The following PCDH15 variants were observed in gnomAD, a reference collection of about 807,000 sequenced individuals.
PCDH15 encodes protocadherin-15.
PCDH15 carries 129 observed loss-of-function variants against 178.5 expected under a neutral mutation model. The ratio of observed to expected loss-of-function variants is 0.72; its 90% CI spans 0.63 to 0.84. The LOEUF (loss-of-function observed/expected upper bound fraction) is 0.84. Among genes scored for constraint, PCDH15 ranks in the 40% least tolerant of loss-of-function variants. The probability of loss-of-function intolerance (pLI) is 0.00; values close to 1 mark genes in which losing one functional copy is unlikely to be tolerated. For synonymous variants in PCDH15, 800 were observed against 732.0 expected, an observed-to-expected ratio of 1.09 and a Z score of -1.50; for missense variants, 2,230 against 2,099.9, an observed-to-expected ratio of 1.06 and a Z score of -1.21.
intron 9 of PCDH15, among the ~76,000 whole-genome samples, chr10:54,227,087 G>C (rs144077962): frequency 6.6e-6 from 1 of 152,148 alleles, no homozygotes; most frequent in Non-Finnish European, 1.5e-5. Context: ...CCATTCTGGG[G>C]TCTGTAAAAT....
At chr10:55,170,951 G>A (rs1318032738) in intron 1 of PCDH15, among the ~76,000 whole-genome samples, 2 of 151,840 alleles carry the variant, frequency 1.3e-5, no homozygotes, top group African/African-American at 4.8e-5. Flanking sequence ...TTTCTTTTTT[G>A]GATTCCAGGA....
intron 8 of PCDH15, among the ~76,000 whole-genome samples, chr10:54,255,692 T>C (rs886749916): frequency 2.0e-5 from 3 of 152,008 alleles, no homozygotes; most frequent in Non-Finnish European, 2.9e-5. Flanking sequence ...TGGGGGAAAA[T>C]GGAGTTTCAA....
intron 16 of PCDH15, among the ~76,000 whole-genome samples, chr10:54,080,016 T>A (rs1161660565): frequency 6.6e-6 from 1 of 152,128 alleles, no homozygotes. Context: ...TTTTGTACTT[T>A]ATTATAACCA....
Position 54,781,246 on chromosome 10 carries a change from A to C in PCDH15, c.-29+19679T>G, listed in dbSNP as rs545289943. ...TTTGTTACATAGGTATACACTTGCT[A>C]TGGTGGTTTGCTGCACCCATCAACC... On this transcript the variant is annotated intron_variant, in intron 1 of 37. Coordinates refer to ENST00000644397, the MANE Select transcript of PCDH15 (RefSeq NM_001384140.1). Among the ~76,000 whole-genome samples, 16 of 152,150 alleles carry C rather than the reference A, an allele frequency of 1.1e-4. No homozygotes were observed. The East Asian group carries it at 3.1e-3, about 30-fold the overall frequency.
intron 5 of PCDH15, among the ~76,000 whole-genome samples, chr10:54,348,871 G>A (rs2583026): frequency 6.6e-6 from 1 of 151,868 alleles, no homozygotes; most frequent in Admixed American, 6.6e-5. Flanking sequence ...ACTGTCTGCT[G>A]CAATTACTTC....
intron 2 of PCDH15, among the ~76,000 whole-genome samples, chr10:55,500,777 A>T (rs1840640029): frequency 6.6e-6 from 1 of 151,812 alleles, no homozygotes; most frequent in Non-Finnish European, 1.5e-5. Context: ...ATAAAGTTAG[A>T]ATGCTGTCTG....
intron 2 of PCDH15, among the ~76,000 whole-genome samples, chr10:55,543,835 G>A (rs1487751928): frequency 6.6e-6 from 1 of 151,390 alleles, no homozygotes; most frequent in Non-Finnish European, 1.5e-5. Context: ...AAAGTCTTAT[G>A]TTTACTTTCT....
intron 15 of PCDH15, among the ~76,000 whole-genome samples, chr10:54,113,268 A>T (rs4362064): frequency 0.74 from 111,825 of 152,118 alleles, 42,068 homozygotes; most frequent in East Asian, 0.99. Context: ...TTATATTTGT[A>T]GTACAGAGGC....
At chr10:55,358,404 A>G (rs141288509) in intron 2 of PCDH15, among the ~76,000 whole-genome samples, 1 of 152,068 alleles carries the variant, frequency 6.6e-6, no homozygotes, top group Non-Finnish European at 1.5e-5. Context: ...TCAGCAAACA[A>G]TATGCCAATC....
intron 1 of PCDH15, among the ~76,000 whole-genome samples, chr10:55,168,181 A>C (rs966180544): frequency 1.3e-5 from 2 of 152,104 alleles, no homozygotes; most frequent in African/African-American, 4.8e-5. Context: ...TTCCAGACAA[A>C]TTATGGATGA....
chr10:54,888,077 C>A (rs1954391989), intron 3 of PCDH15, among the ~76,000 whole-genome samples: 1 of 152,062 alleles, frequency 6.6e-6, no homozygotes, highest in African/African-American at 2.4e-5. Flanking sequence ...GTAAAGCATA[C>A]AATTTGACAA....
intron 35 of PCDH15, among the ~76,000 whole-genome samples, chr10:53,814,918 T>G (rs2076005941): frequency 6.7e-6 from 1 of 149,054 alleles, no homozygotes; most frequent in Non-Finnish European, 1.5e-5. Context: ...AAGCCAAGAT[T>G]ATGCCACTGC....
At chr10:55,438,386 ATAAGT>A (rs555651407) in intron 2 of PCDH15, among the ~76,000 whole-genome samples, 156 of 152,302 alleles carry the variant, frequency 1.0e-3, no homozygotes, top group African/African-American at 3.5e-3. Context: ...TCAGTAGGAA[ATAAGT>A]TAAAGTAGAA....
chr10:55,244,254 T>C (rs1357894405), intron 1 of PCDH15, among the ~76,000 whole-genome samples: 1 of 152,064 alleles, frequency 6.6e-6, no homozygotes, highest in African/African-American at 2.4e-5. Context: ...TCATTTCTGC[T>C]TGTCTTTTAT....
In PCDH15 at chr10:55,157,960, AAAT is replaced by A. The variant is rs1194161689; in HGVS notation, c.-80+8613_-80+8615del. Among the ~76,000 whole-genome samples, 157 of 131,596 alleles carry A rather than the reference AAAT, an allele frequency of 1.2e-3. 1 individual carries two copies. Among genetic ancestry groups the A allele is most frequent in the Non-Finnish European group, 2.0e-3 (123 of 62,852 alleles). 86.3% of individuals were successfully genotyped at this position (131,596 alleles called of 152,430 possible). A position where few individuals can be genotyped will look rare whatever the true frequency, so the allele number is the denominator to read the frequency against. On this transcript the variant is annotated intron_variant, in intron 2 of 5. Coordinates refer to the PCDH15 transcript ENST00000458638. ...CCTAGAACTTAAAGGATAATTTAAA[AAAT>A]AAATAAATTAACATAAATACATAAA...
At chr10:54,058,985 C>T (rs1185868865) in intron 18 of PCDH15, among the ~76,000 whole-genome samples, 2 of 152,140 alleles carry the variant, frequency 1.3e-5, no homozygotes, top group Non-Finnish European at 2.9e-5. Flanking sequence ...TGAGCCACCA[C>T]ACCTGGCCAG....
At chr10:55,609,991 G>A (rs908707031) in intron 2 of PCDH15, among the ~76,000 whole-genome samples, 1 of 151,968 alleles carries the variant, frequency 6.6e-6, no homozygotes, top group African/African-American at 2.4e-5. Flanking sequence ...TAAAATAATA[G>A]GCAAAATAGA....
chr10:54,923,946 T>A (rs1429197379), intron 2 of PCDH15, among the ~76,000 whole-genome samples: 1 of 137,546 alleles, frequency 7.3e-6, no homozygotes, highest in Non-Finnish European at 1.7e-5. Flanking sequence ...AAGCCCCACT[T>A]CTCTGGTACT....
intron 2 of PCDH15, among the ~76,000 whole-genome samples, chr10:55,459,597 T>C (rs1235795473): frequency 1.3e-5 from 2 of 151,988 alleles, no homozygotes; most frequent in African/African-American, 2.4e-5. Context: ...ATATTAGAAA[T>C]GATTAAGCAA....
Sources: allele counts gnomAD v4.1 joint callset (sites outside exome capture counted in the v4.1 genomes callset), GRCh38; gene constraint gnomAD v4.1.1; transcripts MANE v1.5; gene names NCBI Gene and HGNC (gene_info 2026-07-23, HGNC 2026-07-21).